The following SLC35D4 variants were observed in gnomAD, a reference collection of about 807,000 sequenced individuals.
SLC35D4 encodes UDP-N-acetylglucosamine transporter SLC35D4.
At chr18:23,287,143 C>A in the SLC35D4 span, among the ~76,000 whole-genome samples, 11 of 152,256 alleles carry the variant, frequency 7.2e-5, no homozygotes, top group East Asian at 2.1e-3. Flanking sequence ...TACAATTCCC[C>A]CATTTTACCT....
the SLC35D4 span, chr18:23,259,564 G>A: frequency 3.3e-5 from 5 of 152,214 alleles, no homozygotes; most frequent in Non-Finnish European, 2.9e-5. Flanking sequence ...GGACAGTTTT[G>A]TGGGTTTTAA....
At chr18:23,384,009 G>GGGA in the SLC35D4 span, among the ~76,000 whole-genome samples, 1 of 136,662 alleles carries the variant, frequency 7.3e-6, no homozygotes, top group Non-Finnish European at 1.6e-5. Context: ...ATTGGGGGGG[G>GGGA]GGGGTGTGAT....
At chr18:23,337,258 G>C in the SLC35D4 span, among the ~76,000 whole-genome samples, 1 of 152,148 alleles carries the variant, frequency 6.6e-6, no homozygotes, top group East Asian at 1.9e-4. Flanking sequence ...CGGATCACAA[G>C]GTCAGGAGAT....
the SLC35D4 span, among the ~76,000 whole-genome samples, chr18:23,279,915 G>A: frequency 2.0e-5 from 3 of 152,234 alleles, no homozygotes; most frequent in South Asian, 6.2e-4. Context: ...CTGTTGCCCA[G>A]GCTAGTCTTG....
the SLC35D4 span, among the ~76,000 whole-genome samples, chr18:23,419,935 C>T: frequency 1.3e-5 from 2 of 152,204 alleles, no homozygotes; most frequent in African/African-American, 2.4e-5. Flanking sequence ...TATTTATATA[C>T]GTATGTATGC....
At chr18:23,287,723 A>G in the SLC35D4 span, among the ~76,000 whole-genome samples, 1 of 152,220 alleles carries the variant, frequency 6.6e-6, no homozygotes, top group East Asian at 1.9e-4. Context: ...TTCCTTGAAG[A>G]CAGCTTTAGA....
chr18:23,300,968 G>A, the SLC35D4 span, among the ~76,000 whole-genome samples: 9 of 152,230 alleles, frequency 5.9e-5, no homozygotes, highest in South Asian at 1.9e-3. Flanking sequence ...GTAGACAGAG[G>A]ATGGAGGCTG....
the SLC35D4 span, among the ~76,000 whole-genome samples, chr18:23,298,509 A>G: frequency 0.025 from 3,753 of 152,288 alleles, 52 homozygotes; most frequent in Middle Eastern, 0.054. Context: ...ATTTCATTTA[A>G]ACTACAGAAC....
chr18:23,238,983 G>A, the SLC35D4 span, among the ~76,000 whole-genome samples: 6 of 152,204 alleles, frequency 3.9e-5, no homozygotes, highest in African/African-American at 1.2e-4. Context: ...CGATGTTGGC[G>A]GGAGCTGTCC....
At chr18:23,369,872 G>A in the SLC35D4 span, among the ~76,000 whole-genome samples, 1 of 152,132 alleles carries the variant, frequency 6.6e-6, no homozygotes, top group South Asian at 2.1e-4. Context: ...CCCAACCACA[G>A]CTCACCAAAC....
the SLC35D4 span, among the ~76,000 whole-genome samples, chr18:23,245,538 G>A: frequency 6.6e-6 from 1 of 151,132 alleles, no homozygotes; most frequent in Non-Finnish European, 1.5e-5. Context: ...AGGTATCAGT[G>A]TTTCTGCAGT....
chr18:23,300,937 C>A, the SLC35D4 span, among the ~76,000 whole-genome samples: 2 of 152,240 alleles, frequency 1.3e-5, no homozygotes, highest in Non-Finnish European at 2.9e-5. Flanking sequence ...TGTGGCTATT[C>A]AATTAATTCC....
At chr18:23,310,451 T>A in the SLC35D4 span, among the ~76,000 whole-genome samples, 1 of 151,762 alleles carries the variant, frequency 6.6e-6, no homozygotes, top group Non-Finnish European at 1.5e-5. Context: ...ACCAAGAGAG[T>A]GTGTGAACCA....
the SLC35D4 span, among the ~76,000 whole-genome samples, chr18:23,381,313 G>A: frequency 6.6e-6 from 1 of 152,152 alleles, no homozygotes; most frequent in Non-Finnish European, 1.5e-5. Flanking sequence ...TGAAAGAATA[G>A]AGTGGTTTCC....
chr18:23,331,340 A>G, the SLC35D4 span: 1 of 152,336 alleles, frequency 6.6e-6, no homozygotes, highest in East Asian at 1.9e-4. Context: ...CACCGCCCAG[A>G]ATAACAAGGC....
At chr18:23,421,117 G>A in the SLC35D4 span, among the ~76,000 whole-genome samples, 1 of 151,950 alleles carries the variant, frequency 6.6e-6, no homozygotes, top group Non-Finnish European at 1.5e-5. Context: ...GGTGGTGTAC[G>A]CCTGTAATCC....
At chr18:23,368,476 A>G in the SLC35D4 span, among the ~76,000 whole-genome samples, 1 of 152,182 alleles carries the variant, frequency 6.6e-6, no homozygotes, top group Non-Finnish European at 1.5e-5. Context: ...AGCCTCACAG[A>G]TGCCACGTCC....
At chr18:23,328,724 T>C in the SLC35D4 span, among the ~76,000 whole-genome samples, 1 of 151,904 alleles carries the variant, frequency 6.6e-6, no homozygotes, top group African/African-American at 2.4e-5. Context: ...TCATATGGAA[T>C]CAAAAAAGAG....
the SLC35D4 span, among the ~76,000 whole-genome samples, chr18:23,375,211 T>A: frequency 6.6e-6 from 1 of 151,942 alleles, no homozygotes; most frequent in African/African-American, 2.4e-5. Context: ...GGACTCAATA[T>A]TAAATAACAG....
Sources: gnomAD v4.1 joint callset for allele counts (sites outside exome capture counted in the v4.1 genomes callset) on GRCh38, gnomAD v4.1.1 for gene constraint, MANE v1.5 for transcripts, NCBI Gene and HGNC (gene_info 2026-07-23, HGNC 2026-07-21) for gene names.